The following CELSR1 variants were observed in gnomAD, a reference collection of about 807,000 sequenced individuals.
CELSR1 encodes cadherin EGF LAG seven-pass G-type receptor 1.
Under a neutral mutation model 249.1 loss-of-function variants are expected in CELSR1, and 110 were observed. That is an observed-to-expected ratio of 0.44 (90% confidence interval 0.38 to 0.52). The LOEUF is 0.52. CELSR1 is among the 20% of genes least tolerant of loss of function. CELSR1 has a pLI of 0.00. For synonymous variants in CELSR1, 2,113 were observed against 1,900.0 expected, an observed-to-expected ratio of 1.11 and a Z score of -2.92; for missense variants, 4,109 against 4,296.4, an observed-to-expected ratio of 0.96 and a Z score of 1.22.
chr22:46,421,260 G>A (rs1344923821), intron 5 of CELSR1, among the ~76,000 whole-genome samples: 6 of 152,054 alleles, frequency 3.9e-5, no homozygotes, highest in Non-Finnish European at 5.9e-5. Context: ...GGAGGCAGCC[G>A]TGGCACAGTG....
rs561864222 is a variant in CELSR1 at position 46,396,892 on chromosome 22, G to A, written c.5702-146C>T. The stretch of plus-strand genomic sequence containing the variant: ...AGAGGAAGAGTGCCACAGAGTCCCC[G>A]AAAACACAGCGTTAGGCGGGTTAGA... On this transcript the variant is annotated intron_variant, in intron 12 of 34. Transcript: ENST00000674500. The surrounding 1 kb of genome is among the most constrained non-coding windows in gnomAD (Gnocchi z 6.4). The A allele has an allele frequency of 6.1e-4, 686 of 1,131,604 alleles. 9 individuals carry two copies. The South Asian group carries it at 7.9e-3, about 13-fold the overall frequency. The allele number at this position is 1,131,604 out of a possible 1,614,324, so 70.1% of individuals were successfully genotyped here.
At position 46,433,399 on chromosome 22, in the gene CELSR1, G is replaced by A. The variant is rs2147432736; in HGVS notation, c.4605C>T (p.Tyr1535=). 1.2e-6 allele frequency: 2 copies of A among 1,613,268 alleles called. No individual in the cohort carries two copies. Among genetic ancestry groups the A allele is most frequent in the South Asian group, 1.1e-5 (1 of 91,054 alleles). ...GTGGTGGGGCCCATCTTACCTTGTT[G>A]TAGTACTGCACCTGCACAGAGTGCC... The part of the protein sequence containing the change: ...GRWHSVQVQY[Y]NKPNIGHLGL... The change falls in exon 5 of 35, where the codon TAC becomes TAT. Residue 1535 remains tyrosine (Y), a synonymous_variant. Transcript: ENST00000674500. The surrounding 1 kb of genome is among the most constrained non-coding windows in gnomAD (Gnocchi z 5.7).
At chr22:46,366,605 A>T in intron 29 of CELSR1, 125 bp from the exon 30 acceptor site, 2 of 779,194 alleles carry the variant, frequency 2.6e-6, no homozygotes, top group South Asian at 3.3e-5. Context: ...TGCCTGGCAC[A>T]CAGGAGGAGC....
Position 46,389,326 on chromosome 22 carries a change from G to T in CELSR1, c.6519C>A (p.Phe2173Leu). Residue 2173 changes from phenylalanine to leucine, a missense_variant, in exon 18 of 35, where the codon TTC becomes TTA. By Grantham distance (22) the Phe-to-Leu change is conservative. Transcript: ENST00000674500. ...VLQHESWQQG[F>L]DLAATQDADF... ...CGGCGTCCTGCGTGGCTGCCAGGTC[G>T]AAGCCCTGCTGCCAGCTCTCGTGCT... The T allele has an allele frequency of 6.2e-7, 1 of 1,609,414 alleles. No homozygotes were observed. The highest frequency in any genetic ancestry group is 8.5e-7 in the Non-Finnish European group (1 of 1,179,826).
At chr22:46,492,153 G>A (rs776830989) in intron 1 of CELSR1, among the ~76,000 whole-genome samples, 2 of 152,194 alleles carry the variant, frequency 1.3e-5, no homozygotes, top group Non-Finnish European at 2.9e-5. Flanking sequence ...CCAGGCTCCA[G>A]CAGGTCTGCA....
chr22:46,377,632 C>A, intron 23 of CELSR1: 1 of 301,880 alleles, frequency 3.3e-6, no homozygotes, highest in Admixed American at 4.4e-5. Context: ...CACCTGGCAT[C>A]CTGGCCATGA....
rs189674201 is a variant in CELSR1, at chr22:46,423,497, C to A, written c.4611+9896G>T. ...GTGCAGGCCTGTAATCCCACCTACTCGGGAGGCTGAGGCAGGAGAATTGCT... is the reference window on the plus strand; with the variant it reads ...GTGCAGGCCTGTAATCCCACCTACTAGGGAGGCTGAGGCAGGAGAATTGCT... On this transcript the variant is annotated intron_variant, in intron 5 of 34. Coordinates refer to ENST00000674500, the MANE Select transcript of CELSR1 (RefSeq NM_001378328.1). The surrounding 1 kb of genome is among the most constrained non-coding windows in gnomAD (Gnocchi z 5.6). Among the ~76,000 whole-genome samples the A allele has an allele frequency of 6.7e-6, 1 of 149,658 alleles. No individual in the cohort carries two copies. Among genetic ancestry groups the A allele is most frequent in the African/African-American group, 2.5e-5 (1 of 40,532 alleles).
chr22:46,450,009 C>T (rs1467506239), intron 2 of CELSR1, among the ~76,000 whole-genome samples: 2 of 143,530 alleles, frequency 1.4e-5, no homozygotes, highest in Non-Finnish European at 3.1e-5. Context: ...CAGGGGTTCC[C>T]ACCGCAGGGC....
At chr22:46,431,818 G>C (rs1041143966) in intron 5 of CELSR1, among the ~76,000 whole-genome samples, 2 of 152,214 alleles carry the variant, frequency 1.3e-5, no homozygotes, top group African/African-American at 2.4e-5. Flanking sequence ...ATCCGCGTCT[G>C]TGAGGGCTAC....
rs116203795 is a variant in CELSR1 at position 46,518,329 on chromosome 22, G to A, written c.3544+15298C>T. The stretch of plus-strand genomic sequence containing the variant: ...CTGTGGGGGCACCATCAGCAGGGGC[G>A]CTCAGCCCGTGCCACACTCAGTCTC... On this transcript the variant is annotated intron_variant, in intron 1 of 34. Coordinates refer to ENST00000674500, the MANE Select transcript of CELSR1 (RefSeq NM_001378328.1). This position sits in a 1 kb window ranked among gnomAD's most constrained non-coding sequence, Gnocchi z 5.2. Among the ~76,000 whole-genome samples the A allele has an allele frequency of 0.017, 2,553 of 152,320 alleles. 83 individuals are homozygous for A. The highest frequency in any genetic ancestry group is 0.058 in the African/African-American group (2,430 of 41,576).
Position 46,411,868 on chromosome 22 carries a change from A to C in CELSR1, c.4612-109T>G. The C allele has an allele frequency of 7.0e-7, 1 of 1,429,000 alleles. No homozygotes were observed. Among genetic ancestry groups the C allele is most frequent in the Non-Finnish European group, 9.6e-7 (1 of 1,036,974 alleles). The allele number at this position is 1,429,000 out of a possible 1,614,324, so 88.5% of individuals were successfully genotyped here. ...GAGGACATGGCACAGGGTGGGCGGC[A>C]CGTAGACAAGGGATGAGGAGCCCCC... On this transcript the variant is annotated intron_variant, in intron 5 of 34. Coordinates refer to ENST00000674500, the MANE Select transcript of CELSR1 (RefSeq NM_001378328.1). The surrounding 1 kb of genome is among the most constrained non-coding windows in gnomAD (Gnocchi z 4.2).
intron 1 of CELSR1, among the ~76,000 whole-genome samples, chr22:46,522,444 C>T (rs2080695843): frequency 6.6e-6 from 1 of 152,166 alleles, no homozygotes; most frequent in Non-Finnish European, 1.5e-5. Flanking sequence ...ACTAATGACT[C>T]TGAGCATCTT....
At chr22:46,485,045 A>T (rs1406364778) in intron 1 of CELSR1, among the ~76,000 whole-genome samples, 1 of 152,134 alleles carries the variant, frequency 6.6e-6, no homozygotes, top group Admixed American at 6.5e-5. Context: ...TGAGATGATT[A>T]ACTAGAGGCT....
chr22:46,421,247 G>A (rs936040791), intron 5 of CELSR1, among the ~76,000 whole-genome samples: 3 of 152,120 alleles, frequency 2.0e-5, no homozygotes, highest in Non-Finnish European at 4.4e-5. Context: ...CCAGAGAGGG[G>A]AGGGAGGCAG....
chr22:46,473,693 C>T lies in CELSR1; in HGVS notation c.3545-9348G>A, dbSNP rs764789827. On this transcript the variant is annotated intron_variant, in intron 1 of 34. Transcript: ENST00000674500. The surrounding 1 kb of genome is among the most constrained non-coding windows in gnomAD (Gnocchi z 6.6). ...TCCAGCTGGTAAGAGACACAGGGTG[C>T]GTGCCTGTCCTTCCCGAGGCCTTCA... is the stretch of plus-strand genomic sequence containing the variant. Among the ~76,000 whole-genome samples, 2 of 152,138 alleles carry T rather than the reference C, an allele frequency of 1.3e-5. No individual in the cohort carries two copies. The highest frequency in any genetic ancestry group is 2.9e-5 in the Non-Finnish European group (2 of 68,018).
intron 1 of CELSR1, among the ~76,000 whole-genome samples, chr22:46,469,996 GA>G (rs2080138871): frequency 3.7e-5 from 5 of 133,984 alleles, no homozygotes; most frequent in Non-Finnish European, 6.6e-5. Flanking sequence ...GGGAGGGAGG[GA>G]GGGAGAGGCA....
chr22:46,442,521 C>T (rs574521830), intron 2 of CELSR1, among the ~76,000 whole-genome samples: 1 of 152,358 alleles, frequency 6.6e-6, no homozygotes, highest in East Asian at 1.9e-4. Context: ...CCTGAAGGCT[C>T]CTGGACACCG....
Position 46,386,583 on chromosome 22 carries a change from G to A in CELSR1, c.6558C>T (p.Asp2186=), listed in dbSNP as rs551933345. 10 of 1,588,812 alleles carry A rather than the reference G, an allele frequency of 6.3e-6. No individual in the cohort carries two copies. Among genetic ancestry groups the A allele is most frequent in the Middle Eastern group, 1.7e-4 (1 of 5,952 alleles). The change falls in exon 19 of 35, where the codon GAC becomes GAT. Residue 2186 remains aspartate (D), a splice_region_variant and synonymous_variant. Transcript: ENST00000674500. ...AATQDADFHE[D]VIHSGSALLA... is the part of the protein sequence containing the mutation. The stretch of plus-strand genomic sequence containing the variant: ...GGAGGGCGCTGCCCGAGTGGATGAC[G>A]TCCTGGTCAGACAGACAGCACTCAG...
chr22:46,520,812 A>C (rs2080677934), intron 1 of CELSR1, among the ~76,000 whole-genome samples: 1 of 152,092 alleles, frequency 6.6e-6, no homozygotes, highest in Non-Finnish European at 1.5e-5. Flanking sequence ...ACTGTTATAC[A>C]ACCATCATCA....
Sources: gnomAD v4.1 joint callset for allele counts (sites outside exome capture counted in the v4.1 genomes callset) on GRCh38, gnomAD v4.1.1 for gene constraint, Gnocchi (gnomAD v3.1) non-coding constraint, MANE v1.5 for transcripts, NCBI Gene and HGNC (gene_info 2026-07-23, HGNC 2026-07-21) for gene names.